Variants in LDB3 observed in about 807,000 individuals in gnomAD.
The protein encoded by LDB3 is LIM domain binding 3.
LDB3 carries 49 observed loss-of-function variants against 69.0 expected under a neutral mutation model. The ratio of observed to expected loss-of-function variants is 0.71; its 90% CI spans 0.56 to 0.90. The LOEUF (loss-of-function observed/expected upper bound fraction) is 0.90, where lower values mean the gene tolerates loss of function less well. LDB3 is among the 40% of genes least tolerant of loss of function. LDB3 has a pLI of 0.00. For missense variants in LDB3, 928 were observed against 974.1 expected (o/e 0.95, Z 0.63); for synonymous variants, 387 against 396.2 (o/e 0.98, Z 0.28).
chr10:86,679,888 C>T (rs1845015779), intron 3 of LDB3, among the ~76,000 whole-genome samples, 194 bp from the exon 4 acceptor site: 1 of 152,220 alleles, frequency 6.6e-6, no homozygotes, highest in African/African-American at 2.4e-5. Context: ...ATTTCTCCAT[C>T]CTCGTCGGGC....
chr10:86,701,015 G>A (rs538572512), intron 7 of LDB3, among the ~76,000 whole-genome samples: 1 of 152,278 alleles, frequency 6.6e-6, no homozygotes, highest in South Asian at 2.1e-4. Flanking sequence ...CTGCCTCCAG[G>A]AACCTTCGCA....
At position 86,699,502 on chromosome 10, in the gene LDB3, G is replaced by A; in HGVS notation, c.896+6931G>A. 1 of 1,538,692 alleles carries A rather than the reference G, an allele frequency of 6.5e-7. No homozygotes were observed. The highest frequency in any genetic ancestry group is 8.7e-7 in the Non-Finnish European group (1 of 1,145,758). ...TAACTCTGCTGGGGGCACCTCTGAT[G>A]GCCAACCGCAGCATTTCTGTCCTCT... On this transcript the variant is annotated intron_variant, in intron 7 of 13. Transcript: ENST00000361373. This position sits in a 1 kb window ranked among gnomAD's most constrained non-coding sequence, Gnocchi z 4.9.
Position 86,726,272 on chromosome 10 carries a change from C to A in LDB3, c.2094+20C>A. The A allele has an allele frequency of 6.3e-7, 1 of 1,598,666 alleles. No individual in the cohort carries two copies. The highest frequency in any genetic ancestry group is 8.6e-7 in the Non-Finnish European group (1 of 1,166,034). On this transcript the variant is annotated intron_variant, in intron 13 of 13. Coordinates refer to ENST00000361373, the MANE Select transcript of LDB3 (RefSeq NM_007078.3). ...TGCGCAGTATGTCTCTAGCTTGGGG[C>A]TCTGGCTTTCTGAGAAGAGGCAGGA...
chr10:86,681,907 A>G (rs770926992), intron 5 of LDB3, 104 bp downstream of exon 5: 40 of 1,199,982 alleles, frequency 3.3e-5, no homozygotes, highest in Non-Finnish European at 4.6e-5. Context: ...ACTGGCCCCA[A>G]TCCAGCCAGC....
At position 86,668,754 on chromosome 10, in the gene LDB3, G is replaced by A. The variant is rs1165515256; in HGVS notation, c.63G>A (p.Lys21=). 2 of 1,613,316 alleles carry A rather than the reference G, an allele frequency of 1.2e-6. No homozygotes were observed. Among genetic ancestry groups the A allele is most frequent in the Non-Finnish European group, 1.7e-6 (2 of 1,179,990 alleles). The stretch of plus-strand genomic sequence containing the variant: ...GGGGCTTCCGTCTGCAGGGGGGCAA[G>A]GACTTCAACATGCCCCTCACTATCT... The part of the protein sequence containing the change: ...GPWGFRLQGG[K]DFNMPLTISR... The change falls in exon 2 of 14, where the codon AAG becomes AAA. Residue 21 remains lysine, a synonymous_variant. Coordinates refer to ENST00000361373, the MANE Select transcript of LDB3 (RefSeq NM_007078.3).
rs1027041821 is a variant in LDB3, at chr10:86,717,961, C to T, written c.1677-3C>T. On this transcript the variant is annotated splice_region_variant and splice_polypyrimidine_tract_variant and intron_variant, in intron 10 of 13. Transcript: ENST00000361373. ...TACTGGGTGCCATTCTGTGCTTCCC[C>T]AGGGGCCCATTTCTGGTAGCCATGG... The T allele has an allele frequency of 6.2e-7, 1 of 1,613,922 alleles. No individual in the cohort carries two copies. The highest frequency in any genetic ancestry group is 8.5e-7 in the Non-Finnish European group (1 of 1,179,884).
At chr10:86,709,314 C>A (rs928739388) in intron 8 of LDB3, among the ~76,000 whole-genome samples, 10 of 152,120 alleles carry the variant, frequency 6.6e-5, no homozygotes, top group Middle Eastern at 3.4e-3. Context: ...GACCCTAGGC[C>A]CCTTGAAAAC....
chr10:86,714,699 G>T (rs1453413098), intron 9 of LDB3, among the ~76,000 whole-genome samples: 1 of 151,838 alleles, frequency 6.6e-6, no homozygotes, highest in Non-Finnish European at 1.5e-5. Context: ...GGGACTACAG[G>T]CACCCGCCAC....
At chr10:86,705,007 C>T (rs997415513) in intron 7 of LDB3, among the ~76,000 whole-genome samples, 2 of 152,218 alleles carry the variant, frequency 1.3e-5, no homozygotes, top group Non-Finnish European at 1.5e-5. Flanking sequence ...TAAGCCACCA[C>T]GCCTGGCTAG....
At chr10:86,691,395 G>A (rs1056557487) in intron 5 of LDB3, among the ~76,000 whole-genome samples, 1 of 152,140 alleles carries the variant, frequency 6.6e-6, no homozygotes, top group Non-Finnish European at 1.5e-5. Flanking sequence ...TACTCACACT[G>A]AGCCCATGGC....
intron 6 of LDB3, 84 bp from the exon 7 acceptor site, chr10:86,692,451 G>T: frequency 7.4e-7 from 1 of 1,358,818 alleles, no homozygotes; most frequent in South Asian, 1.2e-5. Context: ...GCTGAATCCT[G>T]GGGACTCAGT....
chr10:86,672,796 A>ATGAAT (rs1844562038), intron 2 of LDB3, among the ~76,000 whole-genome samples: 1 of 152,208 alleles, frequency 6.6e-6, no homozygotes, highest in Non-Finnish European at 1.5e-5. Flanking sequence ...GTCCTGGGGA[A>ATGAAT]TGAATTGGAC....
rs145150105 is a variant in LDB3 at position 86,699,937 on chromosome 10, G to A, written c.897-6594G>A. 3.4e-4 allele frequency: 343 copies of A among 1,004,496 alleles called. 1 individual carries two copies. In the African/African-American group the frequency reaches 5.1e-3, roughly 15 times the overall value. The allele number at this position is 1,004,496 out of a possible 1,614,324, so 62.2% of individuals were successfully genotyped here. A position where few individuals can be genotyped will look rare whatever the true frequency, so the allele number is the denominator to read the frequency against. On this transcript the variant is annotated intron_variant, in intron 7 of 13. Transcript: ENST00000361373. The surrounding 1 kb of genome is among the most constrained non-coding windows in gnomAD (Gnocchi z 4.9). ...GGCAGAGACCCCTCCTGGCAGTGGT[G>A]AGGTGGGGGCATGCACCCTCCTTTC...
At chr10:86,668,501 G>A (rs1006953080), upstream of LDB3, 11 of 671,582 alleles carry the variant, frequency 1.6e-5, no homozygotes, top group East Asian at 5.5e-5. Context: ...GATGGCATTC[G>A]CTCCCAGCTA....
intron 8 of LDB3, 149 bp downstream of exon 8, chr10:86,706,868 G>T: frequency 3.7e-6 from 3 of 816,948 alleles, no homozygotes; most frequent in Non-Finnish European, 5.7e-6. Context: ...GGTGCAGAGT[G>T]TGAAGGGGAA....
rs538005539 is a variant in LDB3, at chr10:86,732,082, C to T, written c.2095-805C>T. Among the ~76,000 whole-genome samples the T allele has an allele frequency of 2.0e-5, 3 of 147,910 alleles. No individual in the cohort carries two copies. The East Asian group carries it at 6.1e-4, about 30-fold the overall frequency. On this transcript the variant is annotated intron_variant, in intron 13 of 13. Transcript: ENST00000361373. ...CTGGTCTCAAACACCTGGCCTCAAACGATCCTCCTGCCTTGGCCTTCCAAA... is the reference window on the plus strand; with the variant it reads ...CTGGTCTCAAACACCTGGCCTCAAATGATCCTCCTGCCTTGGCCTTCCAAA...
rs1057520727 is a variant in LDB3, at chr10:86,718,720, C to T, written c.1858-7C>T. 3 of 1,614,024 alleles carry T rather than the reference C, an allele frequency of 1.9e-6. No homozygotes were observed. The highest frequency in any genetic ancestry group is 1.3e-5 in the African/African-American group (1 of 74,934). On this transcript the variant is annotated splice_region_variant and splice_polypyrimidine_tract_variant and intron_variant, in intron 11 of 13. Coordinates refer to ENST00000361373, the MANE Select transcript of LDB3 (RefSeq NM_007078.3). ...TTTCTGTCCTGAGCTTAGGCTCTTT[C>T]CCCCAGGAAGTAATGCATGCCTTGA... is the stretch of plus-strand genomic sequence containing the variant.
intron 4 of LDB3, 90 bp downstream of exon 4, chr10:86,680,247 A>G (rs1845037931): frequency 1.4e-5 from 17 of 1,213,650 alleles, no homozygotes; most frequent in Non-Finnish European, 1.9e-5. Flanking sequence ...GGCTGGCCCA[A>G]CTGGGATGAG....
At chr10:86,721,635 T>A (rs1461334762) in intron 12 of LDB3, among the ~76,000 whole-genome samples, 1 of 152,184 alleles carries the variant, frequency 6.6e-6, no homozygotes, top group Non-Finnish European at 1.5e-5. Context: ...GGTGTGGGAA[T>A]CAGAAGTGTT....
Sources: allele counts gnomAD v4.1 joint callset (sites outside exome capture counted in the v4.1 genomes callset), GRCh38; gene constraint gnomAD v4.1.1; non-coding constraint Gnocchi (gnomAD v3.1); transcripts MANE v1.5; gene names NCBI Gene and HGNC (gene_info 2026-07-23, HGNC 2026-07-21).